Variants in SLC1A3 observed in about 807,000 individuals in gnomAD.
The protein encoded by SLC1A3 is solute carrier family 1 member 3.
SLC1A3 carries 21 observed loss-of-function variants against 48.1 expected under a neutral mutation model. The observed-to-expected ratio is 0.44, with a 90% CI of 0.31 to 0.63. SLC1A3 has a LOEUF of 0.63. Among genes scored for constraint, SLC1A3 ranks in the 20% least tolerant of loss-of-function variants. The pLI, the probability that SLC1A3 is intolerant of heterozygous loss-of-function variation, is 0.08. For missense variants in SLC1A3, 546 were observed against 689.0 expected, an observed-to-expected ratio of 0.79 and a Z score of 2.32; for synonymous variants, 239 against 251.4, an observed-to-expected ratio of 0.95 and a Z score of 0.47.
rs957231744 is a variant in SLC1A3, at chr5:36,649,720, A to T, written c.319+20133A>T. Among the ~76,000 whole-genome samples, 12 of 152,350 alleles carry T rather than the reference A, an allele frequency of 7.9e-5. 1 individual carries two copies. In the South Asian group the frequency reaches 1.9e-3, roughly 24 times the overall value. Reference sequence around the variant, plus strand: ...AAATTTTTCCGGTCTCAATATACTTATGGGATAAAAAGTCATTCTTCTCAG... The same window carrying T: ...AAATTTTTCCGGTCTCAATATACTTTTGGGATAAAAAGTCATTCTTCTCAG... On this transcript the variant is annotated intron_variant, in intron 3 of 9. Transcript: ENST00000265113.
chr5:36,646,993 G>C (rs1258305369), intron 3 of SLC1A3, among the ~76,000 whole-genome samples: 1 of 152,094 alleles, frequency 6.6e-6, no homozygotes, highest in African/African-American at 2.4e-5. Flanking sequence ...GTGCTTCTGG[G>C]GTATAAAGGT....
At chr5:36,649,139 T>C (rs567912486) in intron 3 of SLC1A3, among the ~76,000 whole-genome samples, 11 of 151,824 alleles carry the variant, frequency 7.2e-5, no homozygotes, top group African/African-American at 2.4e-4. Context: ...AGATTGGGAG[T>C]TCGAGACCAG....
intron 2 of SLC1A3, among the ~76,000 whole-genome samples, chr5:36,626,776 A>G (rs1402019935): frequency 6.6e-6 from 1 of 152,258 alleles, no homozygotes; most frequent in Admixed American, 6.5e-5. Context: ...TAACCAAAGT[A>G]TTTTATTAAT....
intron 3 of SLC1A3, among the ~76,000 whole-genome samples, chr5:36,638,467 G>A (rs1371291144): frequency 6.6e-6 from 1 of 152,104 alleles, no homozygotes; most frequent in East Asian, 1.9e-4. Context: ...TAAATTGAAA[G>A]CTTAGCTTTC....
intron 2 of SLC1A3, among the ~76,000 whole-genome samples, chr5:36,615,361 CAG>C (rs1360506858): frequency 3.3e-5 from 5 of 152,248 alleles, no homozygotes; most frequent in Middle Eastern, 6.8e-3. Flanking sequence ...GAATAATAAA[CAG>C]AGGTGTTTTG....
At chr5:36,653,624 C>G (rs1440683381) in intron 3 of SLC1A3, among the ~76,000 whole-genome samples, 2 of 152,186 alleles carry the variant, frequency 1.3e-5, no homozygotes, top group African/African-American at 4.8e-5. Context: ...GTGCCTCTCT[C>G]CTGGGCCCCT....
chr5:36,664,179 G>A (rs1245090969), intron 3 of SLC1A3, among the ~76,000 whole-genome samples: 1 of 152,028 alleles, frequency 6.6e-6, no homozygotes, highest in Non-Finnish European at 1.5e-5. Context: ...TTTTGCCCAG[G>A]CTGGAGTGCA....
chr5:36,683,951 C>A lies in SLC1A3; in HGVS notation c.1377C>A (p.Gly459=), dbSNP rs1229683049. 1 of 1,614,040 alleles carries A rather than the reference C, an allele frequency of 6.2e-7. No homozygotes were observed. The highest frequency in any genetic ancestry group is 1.3e-5 in the African/African-American group (1 of 74,914). The change falls in exon 9 of 10, where the codon GGC becomes GGA. Residue 459 remains glycine, a synonymous_variant. Transcript: ENST00000265113. ...TGGTCATTGTGCTGACATCTGTCGG[C>A]CTGCCCACTGACGACATCACGCTCA... ...VTMVIVLTSV[G]LPTDDITLII... is the part of the protein sequence containing the mutation.
intron 3 of SLC1A3, among the ~76,000 whole-genome samples, chr5:36,638,382 A>G (rs751329834): frequency 6.6e-6 from 1 of 152,058 alleles, no homozygotes; most frequent in Non-Finnish European, 1.5e-5. Context: ...TCAACGTCCT[A>G]ATGCCCTCAG....
chr5:36,607,999 T>C (rs13436644), intron 1 of SLC1A3, among the ~76,000 whole-genome samples: 39,154 of 152,114 alleles, frequency 0.26, 7,326 homozygotes, highest in African/African-American at 0.52. Context: ...TTGTGTACGT[T>C]GTGCAAGGCA....
At chr5:36,655,912 G>C (rs1413127388) in intron 3 of SLC1A3, among the ~76,000 whole-genome samples, 3 of 152,188 alleles carry the variant, frequency 2.0e-5, no homozygotes, top group African/African-American at 7.2e-5. Context: ...GTGCAAGTTA[G>C]AGGAAACACA....
At chr5:36,672,609 A>T (rs567516986) in intron 4 of SLC1A3, among the ~76,000 whole-genome samples, 3 of 150,276 alleles carry the variant, frequency 2.0e-5, no homozygotes, top group African/African-American at 7.6e-5. Flanking sequence ...GGGCTGTGGC[A>T]GGTAAAGCCA....
intron 3 of SLC1A3, among the ~76,000 whole-genome samples, chr5:36,635,559 C>T (rs1243124316): frequency 2.0e-5 from 3 of 151,940 alleles, no homozygotes; most frequent in Admixed American, 6.5e-5. Flanking sequence ...ATTCCTACCT[C>T]ATTACTGGAA....
intron 9 of SLC1A3, 25 bp from the exon 10 acceptor site, chr5:36,686,040 T>C (rs1450308035): frequency 1.4e-5 from 23 of 1,606,308 alleles, no homozygotes; most frequent in Non-Finnish European, 2.0e-5. Context: ...GCCTCGTTTT[T>C]CCCTCCTCCC....
Position 36,635,420 on chromosome 5 carries a change from G to C in SLC1A3, c.319+5833G>C, listed in dbSNP as rs184388360. ...CAAGAAGACAGAGCTTCAAGTCAGG[G>C]ACACGGAACTAAGGCTCCAGATTTC... On this transcript the variant is annotated intron_variant, in intron 3 of 9. Coordinates refer to ENST00000265113, the MANE Select transcript of SLC1A3 (RefSeq NM_004172.5). Among the ~76,000 whole-genome samples, 144 of 152,292 alleles carry C rather than the reference G, an allele frequency of 9.5e-4. 2 individuals are homozygous for C. The highest frequency in any genetic ancestry group is 7.1e-3 in the Admixed American group (108 of 15,298).
Position 36,679,502 on chromosome 5 carries a change from T to C in SLC1A3, c.861-125T>C. The C allele has an allele frequency of 4.0e-6, 3 of 757,816 alleles. No homozygotes were observed. In the South Asian group the frequency reaches 4.2e-5, roughly 11 times the overall value. The allele number at this position is 757,816 out of a possible 1,614,324, so 46.9% of individuals were successfully genotyped here. A position where few individuals can be genotyped will look rare whatever the true frequency, so the allele number is the denominator to read the frequency against. On this transcript the variant is annotated intron_variant, in intron 6 of 9. Transcript: ENST00000265113. ...AGTCCACAGTTTCTGTAAGTCCTAA[T>C]GGTATCCTGGGCAGGAAAGTTTGGC...
At chr5:36,597,458 G>T (rs188291203) in intron 1 of SLC1A3, among the ~76,000 whole-genome samples, 2 of 151,670 alleles carry the variant, frequency 1.3e-5, no homozygotes, top group East Asian at 3.9e-4. Context: ...TAGCCAGGAC[G>T]GTCTCGATCT....
intron 4 of SLC1A3, 28 bp downstream of exon 4, chr5:36,671,261 G>A (rs1223910691): frequency 1.3e-6 from 2 of 1,573,608 alleles, no homozygotes; most frequent in East Asian, 2.2e-5. Flanking sequence ...CGTCCTTTGG[G>A]GTGTATTTTC....
intron 2 of SLC1A3, among the ~76,000 whole-genome samples, chr5:36,622,956 G>C (rs916929148): frequency 6.1e-5 from 9 of 148,652 alleles, no homozygotes; most frequent in Admixed American, 2.0e-4. Context: ...AGCTTGCAGT[G>C]AGCCGAGATC....
Sources: gnomAD v4.1 joint callset for allele counts (sites outside exome capture counted in the v4.1 genomes callset) on GRCh38, gnomAD v4.1.1 for gene constraint, MANE v1.5 for transcripts, NCBI Gene and HGNC (gene_info 2026-07-23, HGNC 2026-07-21) for gene names.